Variants in PABPN1 observed in about 807,000 individuals in gnomAD.
PABPN1 encodes poly(A) binding protein nuclear 1.
PABPN1 carries 5 observed loss-of-function variants against 33.4 expected under a neutral mutation model. That is an observed-to-expected ratio of 0.15 (90% CI 0.08 to 0.32). The LOEUF (loss-of-function observed/expected upper bound fraction) is 0.32. Ranked by LOEUF, PABPN1 falls within the 10% of genes least tolerant of loss-of-function variation. The probability of loss-of-function intolerance (pLI) is 1.00; values close to 1 mark genes in which losing one functional copy is unlikely to be tolerated. For synonymous variants in PABPN1, 176 were observed against 170.6 expected (o/e 1.03, Z -0.25); for missense variants, 312 against 425.8 (o/e 0.73, Z 2.35).
At position 23,325,432 on chromosome 14, in the gene PABPN1, G is replaced by C. The variant is rs1888678749; in HGVS notation, c.*146G>C. 1 of 1,125,930 alleles carries C rather than the reference G, an allele frequency of 8.9e-7. No homozygotes were observed. Among genetic ancestry groups the C allele is most frequent in the Non-Finnish European group, 1.2e-6 (1 of 815,146 alleles). 69.7% of individuals were successfully genotyped at this position (1,125,930 alleles called of 1,614,324 possible). ...AAAAAAGATATACTGTGGAAGGGGG[G>C]AGAATCCCATAACTAACTGCTGAGG... is the stretch of plus-strand genomic sequence containing the variant. On this transcript the variant is annotated 3_prime_UTR_variant, in exon 7 of 7. Coordinates refer to ENST00000216727, the MANE Select transcript of PABPN1 (RefSeq NM_004643.4).
Position 23,322,958 on chromosome 14 carries a change from C to G in PABPN1, c.467-41C>G, listed in dbSNP as rs377026640. 6.4e-5 allele frequency: 104 copies of G among 1,613,352 alleles called. No individual in the cohort carries two copies. In the African/African-American group the frequency reaches 1.2e-3, roughly 18 times the overall value. On this transcript the variant is annotated intron_variant, in intron 2 of 6. Transcript: ENST00000216727. Reference sequence around the variant, plus strand: ...TGCAACATATTGGTCAAGTAGAAAACAAGTGTGTGGTTTTTGTAAAAAATT... The same window carrying G: ...TGCAACATATTGGTCAAGTAGAAAAGAAGTGTGTGGTTTTTGTAAAAAATT...
Position 23,325,345 on chromosome 14 carries a change from G to GAAAAAAAAAAAAAAAAAAAA in PABPN1, c.*61_*62insAAAAAAAAAAAAAAAAAAAA. 2.7e-6 allele frequency: 3 copies of GAAAAAAAAAAAAAAAAAAAA among 1,115,726 alleles called. No homozygotes were observed. Among genetic ancestry groups the GAAAAAAAAAAAAAAAAAAAA allele is most frequent in the East Asian group, 6.0e-5 (2 of 33,478 alleles). 69.1% of individuals were successfully genotyped at this position (1,115,726 alleles called of 1,614,324 possible). A position where few individuals can be genotyped will look rare whatever the true frequency, so the allele number is the denominator to read the frequency against. ...AAAGAGGAAAGAAGGAAAAAAAAAA[G>GAAAAAAAAAAAAAAAAAAAA]AATTAAAAAAAAAAAAAAGAAAAAC... On this transcript the variant is annotated 3_prime_UTR_variant, in exon 7 of 7. Transcript: ENST00000216727.
intron 1 of PABPN1, 91 bp downstream of exon 1, chr14:23,321,911 G>A (rs1011835355): frequency 2.1e-4 from 182 of 867,768 alleles, no homozygotes; most frequent in Non-Finnish European, 2.8e-4. Flanking sequence ...GCAGGCGGGG[G>A]GTGGGGTTGG....
Position 23,325,349 on chromosome 14 carries a change from TAAAAA to T in PABPN1, c.*73_*77del. On this transcript the variant is annotated 3_prime_UTR_variant, in exon 7 of 7. Coordinates refer to ENST00000216727, the MANE Select transcript of PABPN1 (RefSeq NM_004643.4). ...AGGAAAGAAGGAAAAAAAAAAGAATTAAAAAAAAAAAAAAGAAAAACAGAAGATGA... is the reference window on the plus strand; with the variant it reads ...AGGAAAGAAGGAAAAAAAAAAGAATTAAAAAAAAAGAAAAACAGAAGATGA... The T allele has an allele frequency of 1.8e-6, 2 of 1,092,190 alleles. No homozygotes were observed. The highest frequency in any genetic ancestry group is 1.7e-5 in the South Asian group (1 of 57,152). The allele number at this position is 1,092,190 out of a possible 1,614,324, so 67.7% of individuals were successfully genotyped here.
Position 23,322,169 on chromosome 14 carries a change from C to T in PABPN1, c.352-12C>T, listed in dbSNP as rs1455358820. ...CTTAAGCTGTCCTCCATACCCTCCC[C>T]ACTTATATTAGGAGCTGGAAGCTAT... On this transcript the variant is annotated splice_polypyrimidine_tract_variant and intron_variant, in intron 1 of 6. Transcript: ENST00000216727. 3 of 1,597,244 alleles carry T rather than the reference C, an allele frequency of 1.9e-6. No homozygotes were observed. Among genetic ancestry groups the T allele is most frequent in the Non-Finnish European group, 2.6e-6 (3 of 1,171,798 alleles).
intron 6 of PABPN1, chr14:23,324,508 C>G: frequency 1.6e-6 from 1 of 628,452 alleles, no homozygotes; most frequent in Non-Finnish European, 2.8e-6. Flanking sequence ...AGGGCTGCAT[C>G]CCTCCCTTGG....
intron 2 of PABPN1, 21 bp downstream of exon 2, chr14:23,322,316 C>A: frequency 6.3e-7 from 1 of 1,576,682 alleles, no homozygotes; most frequent in East Asian, 2.3e-5. Flanking sequence ...GGCGGTTGCA[C>A]GCGGAGCCCG....
Position 23,325,670 on chromosome 14 carries a change from A to G in PABPN1, c.*384A>G, listed in dbSNP as rs1275724222. The G allele has an allele frequency of 1.4e-5, 3 of 207,818 alleles. No individual in the cohort carries two copies. Among genetic ancestry groups the G allele is most frequent in the South Asian group, 1.6e-4 (2 of 12,646 alleles). The allele number at this position is 207,818 out of a possible 1,614,324, so 12.9% of individuals were successfully genotyped here. A position where few individuals can be genotyped will look rare whatever the true frequency, so the allele number is the denominator to read the frequency against. On this transcript the variant is annotated 3_prime_UTR_variant, in exon 7 of 7. Coordinates refer to ENST00000216727, the MANE Select transcript of PABPN1 (RefSeq NM_004643.4). ...TACCCAGGGCTCTGGAAGGACACCA[A>G]ACTGTTCTGCTTGTTACCTTCCCTC...
chr14:23,324,857 G>T (rs17794309), intron 6 of PABPN1: 5,783 of 241,260 alleles, frequency 0.024, 120 homozygotes, highest in Middle Eastern at 0.065. Context: ...TTAAATAGAC[G>T]GGTTAGGCAT....
rs1888620691 is a variant in PABPN1, at chr14:23,324,922, A to G, written c.882-325A>G. 3 of 322,998 alleles carry G rather than the reference A, an allele frequency of 9.3e-6. No homozygotes were observed. The Admixed American group carries it at 1.3e-4, about 14-fold the overall frequency. 20.0% of individuals were successfully genotyped at this position (322,998 alleles called of 1,614,324 possible). On this transcript the variant is annotated intron_variant, in intron 6 of 6. Coordinates refer to ENST00000216727, the MANE Select transcript of PABPN1 (RefSeq NM_004643.4). The stretch of plus-strand genomic sequence containing the variant: ...TGCCTATCCCCAGGAGTTAGGGAGG[A>G]TCTATTTGTGATGGCCTAGGGTTTA...
chr14:23,323,119 T>C (rs1323509763), intron 3 of PABPN1, 53 bp downstream of exon 3: 8 of 1,610,176 alleles, frequency 5.0e-6, no homozygotes, highest in East Asian at 2.2e-5. Flanking sequence ...TTTTGGGGAA[T>C]TATTTAATAG....
chr14:23,322,404 G>A, intron 2 of PABPN1, 109 bp downstream of exon 2: 1 of 933,986 alleles, frequency 1.1e-6, no homozygotes, highest in Non-Finnish European at 1.7e-6. Context: ...CTGCTTGTCT[G>A]AGCTATTATG....
chr14:23,322,912 G>C, intron 2 of PABPN1, 87 bp from the exon 3 acceptor site: 1 of 1,581,180 alleles, frequency 6.3e-7, no homozygotes, highest in Admixed American at 1.7e-5. Flanking sequence ...TGAGCTTATG[G>C]GATAGTGCTG....
intron 2 of PABPN1, chr14:23,322,777 T>G: frequency 1.7e-6 from 1 of 585,482 alleles, no homozygotes; most frequent in Middle Eastern, 3.1e-4. Flanking sequence ...ATTCCTATAC[T>G]GTTTTAAGTG....
Position 23,323,443 on chromosome 14 carries a change from G to A in PABPN1, c.601G>A (p.Val201Ile), listed in dbSNP as rs1888481648. The A allele has an allele frequency of 6.2e-7, 1 of 1,614,020 alleles. No homozygotes were observed. ...HFHGCGSVNR[V>I]TILCDKFSGH... The stretch of plus-strand genomic sequence containing the variant: ...TCATGGCTGTGGTTCAGTCAACCGT[G>A]TTACCATACTGTGTGACAAATTTAG... Residue 201 changes from valine to isoleucine, a missense_variant, in exon 4 of 7, where the codon GTT becomes ATT. Transcript: ENST00000216727.
chr14:23,322,286 C>T lies in PABPN1; in HGVS notation c.457C>T (p.Pro153Ser), dbSNP rs183579627. The change falls in exon 2 of 7, where the codon CCA becomes TCA. Residue 153 changes from proline (P) to serine (S), a missense_variant. Transcript: ENST00000216727. Reference sequence around the variant, plus strand: ...GAAGCAGATGAATATGAGTCCACCTCCAGGCAATGGTGAGTAACTGGCGGT... The same window carrying T: ...GAAGCAGATGAATATGAGTCCACCTTCAGGCAATGGTGAGTAACTGGCGGT... ...VEKQMNMSPP[P>S]GNAGPVIMSI... is the part of the protein sequence containing the mutation. 90 of 1,601,872 alleles carry T rather than the reference C, an allele frequency of 5.6e-5. No individual in the cohort carries two copies. The highest frequency in any genetic ancestry group is 1.9e-4 in the Admixed American group (11 of 58,118).
chr14:23,323,862 A>G lies in PABPN1; in HGVS notation c.642-103A>G, dbSNP rs77360835. 2.2e-3 allele frequency: 2,602 copies of G among 1,164,156 alleles called. 41 individuals carry two copies. The African/African-American group carries it at 0.035, about 16-fold the overall frequency. The allele number at this position is 1,164,156 out of a possible 1,614,324, so 72.1% of individuals were successfully genotyped here. A position where few individuals can be genotyped will look rare whatever the true frequency, so the allele number is the denominator to read the frequency against. ...ATTTAGAAGAATTTTGACAAATAAA[A>G]AATATAACTGCATTGTAGCCCAAAA... On this transcript the variant is annotated intron_variant, in intron 4 of 6. Coordinates refer to ENST00000216727, the MANE Select transcript of PABPN1 (RefSeq NM_004643.4).
intron 1 of PABPN1, 163 bp from the exon 2 acceptor site, chr14:23,322,018 T>C (rs1888335485): frequency 1.2e-6 from 1 of 818,558 alleles, no homozygotes. Context: ...CACGGTTGCC[T>C]AGTGTTGTTC....
chr14:23,325,591 C>G lies in PABPN1; in HGVS notation c.*305C>G. 2.7e-6 allele frequency: 1 copy of G among 375,018 alleles called. No individual in the cohort carries two copies. Among genetic ancestry groups the G allele is most frequent in the Non-Finnish European group, 4.8e-6 (1 of 207,134 alleles). 23.2% of individuals were successfully genotyped at this position (375,018 alleles called of 1,614,324 possible). On this transcript the variant is annotated 3_prime_UTR_variant, in exon 7 of 7. Transcript: ENST00000216727. ...CATGTTTCCCTGCCCCACTTCACCC[C>G]CTTGGGGGCTGCTCAAGGGTAGGTG...
Sources: allele counts gnomAD v4.1 joint callset, GRCh38; gene constraint gnomAD v4.1.1; transcripts MANE v1.5; gene names NCBI Gene and HGNC (gene_info 2026-07-23, HGNC 2026-07-21).